Variants in SEPTIN9 observed in about 807,000 individuals in gnomAD.
SEPTIN9 encodes septin-9.
In SEPTIN9, 13 loss-of-function variants were observed where a neutral mutation model predicts 56.6. That is an observed-to-expected ratio of 0.23 (90% CI 0.15 to 0.37). The LOEUF is 0.37. Among genes scored for constraint, SEPTIN9 ranks in the 10% least tolerant of loss-of-function variants. SEPTIN9 has a pLI of 1.00. For missense variants in SEPTIN9, 650 were observed against 823.1 expected, an observed-to-expected ratio of 0.79 and a Z score of 2.57; for synonymous variants, 332 against 334.1, an observed-to-expected ratio of 0.99 and a Z score of 0.07.
intron 2 of SEPTIN9, among the ~76,000 whole-genome samples, chr17:77,372,005 G>C (rs1047420598): frequency 6.6e-6 from 1 of 152,182 alleles, no homozygotes; most frequent in African/African-American, 2.4e-5. Context: ...GGATATTTCA[G>C]AGGGGGTGGG....
In SEPTIN9 at chr17:77,323,911, G is replaced by C. The variant is rs1055336619; in HGVS notation, c.76+16714G>C. 35 of 152,242 alleles carry C rather than the reference G, an allele frequency of 2.3e-4. No individual in the cohort carries two copies. Among genetic ancestry groups the C allele is most frequent in the African/African-American group, 8.2e-4 (34 of 41,440 alleles). 9.4% of individuals were successfully genotyped at this position (152,242 alleles called of 1,614,324 possible). ...TTTCCTGGGGCTGCCATCACCAAGT[G>C]CCACAAACTGGGTGGCTCAAAACAC... On this transcript the variant is annotated intron_variant, in intron 2 of 11. Coordinates refer to ENST00000427177, the MANE Select transcript of SEPTIN9 (RefSeq NM_001113491.2). The surrounding 1 kb of genome is among the most constrained non-coding windows in gnomAD (Gnocchi z 6.8).
At chr17:77,387,701 A>G (rs747491018) in intron 2 of SEPTIN9, among the ~76,000 whole-genome samples, 1 of 152,168 alleles carries the variant, frequency 6.6e-6, no homozygotes, top group Non-Finnish European at 1.5e-5. Flanking sequence ...CTGCCCCTCC[A>G]GAAACCTCCA....
intron 2 of SEPTIN9, among the ~76,000 whole-genome samples, chr17:77,356,554 T>C (rs1283556466): frequency 6.7e-6 from 1 of 150,164 alleles, no homozygotes; most frequent in Non-Finnish European, 1.5e-5. Context: ...AAATGTAGTG[T>C]CCTTGGTAGA....
At chr17:77,438,979 G>A (rs1182396605) in intron 3 of SEPTIN9, among the ~76,000 whole-genome samples, 1 of 152,226 alleles carries the variant, frequency 6.6e-6, no homozygotes, top group Non-Finnish European at 1.5e-5. Flanking sequence ...TTTGACAAAT[G>A]AAGGCGAGGG....
chr17:77,463,025 A>G (rs1429038218), intron 3 of SEPTIN9, among the ~76,000 whole-genome samples: 2 of 152,170 alleles, frequency 1.3e-5, no homozygotes, highest in Non-Finnish European at 2.9e-5. Flanking sequence ...GATGAGCTGA[A>G]CAGTGAGCCC....
In SEPTIN9 at chr17:77,453,979, T is replaced by C. The variant is rs1360768861; in HGVS notation, c.722-28165T>C. 4.6e-6 allele frequency: 4 copies of C among 876,176 alleles called. No homozygotes were observed. The highest frequency in any genetic ancestry group is 5.5e-6 in the Non-Finnish European group (4 of 730,230). 54.3% of individuals were successfully genotyped at this position (876,176 alleles called of 1,614,324 possible). The stretch of plus-strand genomic sequence containing the variant: ...TCACCACCACCAGCAGCTTCCGTTA[T>C]CTGGTTCTTCTGTACATGTAAGCCT... On this transcript the variant is annotated intron_variant, in intron 3 of 11. Coordinates refer to ENST00000427177, the MANE Select transcript of SEPTIN9 (RefSeq NM_001113491.2). This position sits in a 1 kb window ranked among gnomAD's most constrained non-coding sequence, Gnocchi z 4.4.
intron 2 of SEPTIN9, among the ~76,000 whole-genome samples, chr17:77,314,932 T>G (rs2032641328): frequency 6.6e-6 from 1 of 152,102 alleles, no homozygotes; most frequent in African/African-American, 2.4e-5. Flanking sequence ...CCCAGGATGG[T>G]GCACCTGGGG....
chr17:77,377,912 A>T (rs1343305534), intron 2 of SEPTIN9, among the ~76,000 whole-genome samples: 1 of 152,136 alleles, frequency 6.6e-6, no homozygotes, highest in Non-Finnish European at 1.5e-5. Flanking sequence ...GGCAGGAGCC[A>T]TGGGGAGTGG....
At chr17:77,441,055 G>T (rs185251550) in intron 3 of SEPTIN9, among the ~76,000 whole-genome samples, 1 of 152,216 alleles carries the variant, frequency 6.6e-6, no homozygotes, top group African/African-American at 2.4e-5. Flanking sequence ...AGATGGAGGG[G>T]CTATTCCAGC....
At chr17:77,477,006 T>G (rs1390425554) in intron 3 of SEPTIN9, among the ~76,000 whole-genome samples, 1 of 152,220 alleles carries the variant, frequency 6.6e-6, no homozygotes, top group Admixed American at 6.5e-5. Context: ...CATAGTGGTT[T>G]GCTGCACCCA....
In SEPTIN9 at chr17:77,498,514, C is replaced by T. The variant is rs763205662; in HGVS notation, c.1626-9C>T. The T allele has an allele frequency of 3.7e-5, 21 of 567,624 alleles. No homozygotes were observed. Among genetic ancestry groups the T allele is most frequent in the East Asian group, 3.3e-4 (5 of 15,058 alleles). The allele number at this position is 567,624 out of a possible 1,614,324, so 35.2% of individuals were successfully genotyped here. A position where few individuals can be genotyped will look rare whatever the true frequency, so the allele number is the denominator to read the frequency against. On this transcript the variant is annotated splice_polypyrimidine_tract_variant and intron_variant, in intron 11 of 11. Coordinates refer to ENST00000427177, the MANE Select transcript of SEPTIN9 (RefSeq NM_001113491.2). ...ACCTCACTGACCCGCCCGCCCCCCA[C>T]CCCCACAGGACGCACATGCAGAACA...
rs577781457 is a variant in SEPTIN9, at chr17:77,493,091, C to T, written c.1573+15C>T. ...TACCATCGAAGGTACTCGCCGCAGGCGCCGGGGCTCCAGACAGATGGGAAG... is the reference window on the plus strand; with the variant it reads ...TACCATCGAAGGTACTCGCCGCAGGTGCCGGGGCTCCAGACAGATGGGAAG... On this transcript the variant is annotated intron_variant, in intron 10 of 11. Coordinates refer to ENST00000427177, the MANE Select transcript of SEPTIN9 (RefSeq NM_001113491.2). 8.3e-5 allele frequency: 127 copies of T among 1,538,354 alleles called. 3 individuals carry two copies. In the South Asian group the frequency reaches 1.2e-3, roughly 15 times the overall value.
Position 77,329,400 on chromosome 17 carries a change from C to G in SEPTIN9, c.76+22203C>G, listed in dbSNP as rs2033264263. Reference sequence around the variant, plus strand: ...CGGCCCTGCCCAGCCTTGCACTGCCCTGTGCTGCCCTGGTGGCTGCCGGCT... The same window carrying G: ...CGGCCCTGCCCAGCCTTGCACTGCCGTGTGCTGCCCTGGTGGCTGCCGGCT... On this transcript the variant is annotated intron_variant, in intron 2 of 11. Transcript: ENST00000427177. This position sits in a 1 kb window ranked among gnomAD's most constrained non-coding sequence, Gnocchi z 4.3. Among the ~76,000 whole-genome samples the G allele has an allele frequency of 6.6e-6, 1 of 152,220 alleles. No homozygotes were observed. The highest frequency in any genetic ancestry group is 2.4e-5 in the African/African-American group (1 of 41,470).
chr17:77,415,648 A>AAAAGC (rs971734038), intron 3 of SEPTIN9, among the ~76,000 whole-genome samples: 3 of 60,882 alleles, frequency 4.9e-5, no homozygotes, highest in African/African-American at 2.2e-4. Context: ...AAAAAAAGAA[A>AAAAGC]AAAAAAGAAA....
chr17:77,283,177 TTA>T (rs1491463120), intron 1 of SEPTIN9, among the ~76,000 whole-genome samples: 3 of 148,266 alleles, frequency 2.0e-5, no homozygotes, highest in African/African-American at 7.7e-5. Context: ...TTTTTTTTTT[TTA>T]AAAAAAAGGA....
intron 4 of SEPTIN9, among the ~76,000 whole-genome samples, chr17:77,486,515 TGTGTGTGCGCGCACGCGCGCGC>T (rs1422602150): frequency 0.031 from 3,212 of 103,608 alleles, 108 homozygotes; most frequent in African/African-American, 0.14. Context: ...TGTGTGTGTG[TGTGTGTGCGCGCACGCGCGCGC>T]GTGTTATATG....
chr17:77,352,253 A>G (rs564698619), intron 2 of SEPTIN9, among the ~76,000 whole-genome samples: 1 of 151,826 alleles, frequency 6.6e-6, no homozygotes, highest in East Asian at 1.9e-4. Context: ...AAAAAAAAAA[A>G]AAAATTAGCC....
At chr17:77,448,349 G>A (rs989900300) in intron 3 of SEPTIN9, among the ~76,000 whole-genome samples, 7 of 152,088 alleles carry the variant, frequency 4.6e-5, no homozygotes, top group African/African-American at 1.4e-4. Context: ...GGTGGTGTAC[G>A]CCTGTAGTCC....
intron 2 of SEPTIN9, among the ~76,000 whole-genome samples, chr17:77,391,740 T>C (rs982974274): frequency 8.5e-5 from 13 of 152,216 alleles, no homozygotes; most frequent in Non-Finnish European, 1.8e-4. Flanking sequence ...AAGGAATCCG[T>C]AGGACTTCTT....
Sources: gnomAD v4.1 joint callset for allele counts (sites outside exome capture counted in the v4.1 genomes callset) on GRCh38, gnomAD v4.1.1 for gene constraint, Gnocchi (gnomAD v3.1) non-coding constraint, MANE v1.5 for transcripts, NCBI Gene and HGNC (gene_info 2026-07-23, HGNC 2026-07-21) for gene names.